The following PDE4DIP variants were observed in gnomAD, a reference collection of about 807,000 sequenced individuals.
PDE4DIP encodes myomegalin.
Under a neutral mutation model 221.4 loss-of-function variants are expected in PDE4DIP, and 59 were observed. The ratio of observed to expected loss-of-function variants is 0.27; its 90% confidence interval spans 0.22 to 0.33. The LOEUF is 0.33. Ranked by LOEUF, PDE4DIP falls within the 10% of genes least tolerant of loss-of-function variation. The probability of loss-of-function intolerance (pLI) is 1.00; values close to 1 mark genes in which losing one functional copy is unlikely to be tolerated. For synonymous variants in PDE4DIP, 404 were observed against 815.9 expected (o/e 0.50, Z 8.60); for missense variants, 1,036 against 2,154.2 (o/e 0.48, Z 10.28).
At chr1:148,824,400 A>G (rs1315689294) in intron 1 of PDE4DIP, among the ~76,000 whole-genome samples, 3 of 148,666 alleles carry the variant, frequency 2.0e-5, no homozygotes, top group Non-Finnish European at 4.5e-5. Flanking sequence ...TGGAAGCCAC[A>G]GTTGTTTTTG....
At chr1:148,902,832 G>A (rs587720685) in intron 1 of PDE4DIP, among the ~76,000 whole-genome samples, 4 of 110,744 alleles carry the variant, frequency 3.6e-5, no homozygotes, top group Non-Finnish European at 5.1e-5. Context: ...TTGGTTCCAC[G>A]TTTTTGCAGT....
rs1230704121 is a variant in PDE4DIP at position 149,010,362 on chromosome 1, G to A, written c.4928-81G>A. 4 of 1,244,170 alleles carry A rather than the reference G, an allele frequency of 3.2e-6. No homozygotes were observed. The African/African-American group carries it at 4.4e-5, about 14-fold the overall frequency. 77.1% of individuals were successfully genotyped at this position (1,244,170 alleles called of 1,614,324 possible). A position where few individuals can be genotyped will look rare whatever the true frequency, so the allele number is the denominator to read the frequency against. ...CCCTGAAAGCAAGACTCTAGCCCTG[G>A]TACCCCTGGGTAAACATAAGGCCAG... On this transcript the variant is annotated intron_variant, in intron 30 of 43. Coordinates refer to ENST00000369354, the Ensembl canonical transcript of PDE4DIP.
chr1:149,003,980 GA>G (rs1385809196), intron 26 of PDE4DIP, among the ~76,000 whole-genome samples: 2 of 150,292 alleles, frequency 1.3e-5, no homozygotes, highest in African/African-American at 4.9e-5. Flanking sequence ...GGCCTACTTA[GA>G]GACCAGATAA....
chr1:148,985,278 A>G (rs1270338100), intron 21 of PDE4DIP: 1 of 152,132 alleles, frequency 6.6e-6, no homozygotes, highest in Non-Finnish European at 1.5e-5. Context: ...GCAATACAGT[A>G]ATAAACAGAA....
chr1:148,926,714 G>T (rs1164990802), intron 1 of PDE4DIP, among the ~76,000 whole-genome samples: 1 of 151,764 alleles, frequency 6.6e-6, no homozygotes, highest in Non-Finnish European at 1.5e-5. Context: ...CCACATAATT[G>T]AATGCATATT....
Position 148,912,097 on chromosome 1 carries a change from CT to C in PDE4DIP, c.142-17089del, listed in dbSNP as rs1180350261. Among the ~76,000 whole-genome samples the C allele has an allele frequency of 1.2e-3, 160 of 139,078 alleles. 3 individuals are homozygous for C. Among genetic ancestry groups the C allele is most frequent in the South Asian group, 8.8e-3 (38 of 4,306 alleles). 91.2% of individuals were successfully genotyped at this position (139,078 alleles called of 152,430 possible). A position where few individuals can be genotyped will look rare whatever the true frequency, so the allele number is the denominator to read the frequency against. Reference sequence around the variant, plus strand: ...AGTTTGTGGACCACACTACCTTTTACTTTTTTTTTTTGAAAGGATGGGATGG... The same window carrying C: ...AGTTTGTGGACCACACTACCTTTTACTTTTTTTTTTGAAAGGATGGGATGG... On this transcript the variant is annotated intron_variant, in intron 1 of 43. Coordinates refer to ENST00000369354, the Ensembl canonical transcript of PDE4DIP.
At chr1:149,000,113 AC>A (rs1169393493) in intron 23 of PDE4DIP, among the ~76,000 whole-genome samples, 1 of 152,120 alleles carries the variant, frequency 6.6e-6, no homozygotes, top group Non-Finnish European at 1.5e-5. Context: ...CCAGAAACAC[AC>A]CAGATAAGCT....
chr1:149,005,052 G>A (rs782572334), exon 27 of PDE4DIP: 5 of 1,610,810 alleles, frequency 3.1e-6, no homozygotes, highest in Non-Finnish European at 3.4e-6. Flanking sequence ...AGAGTTCCGG[G>A]TATATGGAAA....
intron 21 of PDE4DIP, chr1:148,982,113 G>A (rs1336043398): frequency 3.9e-5 from 6 of 152,284 alleles, no homozygotes. Context: ...GTTGACTGTT[G>A]TACACAAGTG....
At chr1:148,938,862 A>C (rs2049891368) in intron 5 of PDE4DIP, among the ~76,000 whole-genome samples, 1 of 149,216 alleles carries the variant, frequency 6.7e-6, no homozygotes, top group African/African-American at 2.5e-5. Context: ...GATCTCGGCT[A>C]ACTGCAACCT....
upstream of PDE4DIP, among the ~76,000 whole-genome samples, chr1:148,885,895 A>AAT (rs1553430252): frequency 3.6e-5 from 4 of 111,752 alleles, no homozygotes; most frequent in South Asian, 6.0e-4. Context: ...ATATGTTATT[A>AAT]ATATATATAC....
exon 21 of PDE4DIP, chr1:148,981,332 T>A: frequency 6.2e-7 from 1 of 1,614,032 alleles, no homozygotes; most frequent in East Asian, 2.2e-5. Context: ...CGCAGTCGGC[T>A]AGAAGAAGTT....
In PDE4DIP at chr1:148,923,618, A is replaced by C. The variant is rs1161454298; in HGVS notation, c.142-5579A>C. ...CCTCTCAAGTAGCTGGGACTACAGG[A>C]GCCCGCCACCGCTCCCGGCTAATTT... On this transcript the variant is annotated intron_variant, in intron 1 of 43. Coordinates refer to ENST00000369354, the Ensembl canonical transcript of PDE4DIP. Among the ~76,000 whole-genome samples the C allele has an allele frequency of 2.3e-3, 329 of 144,396 alleles. 42 individuals are homozygous for C. Among genetic ancestry groups the C allele is most frequent in the African/African-American group, 3.6e-3 (135 of 37,374 alleles). 94.7% of individuals were successfully genotyped at this position (144,396 alleles called of 152,430 possible). A position where few individuals can be genotyped will look rare whatever the true frequency, so the allele number is the denominator to read the frequency against.
At chr1:148,929,154 G>A in intron 1 of PDE4DIP, 43 bp from the exon 5 acceptor site, 1 of 1,602,836 alleles carries the variant, frequency 6.2e-7, no homozygotes, top group Non-Finnish European at 8.5e-7. Context: ...AGGAAAGAGT[G>A]TCTGTGGCAG....
intron 23 of PDE4DIP, among the ~76,000 whole-genome samples, chr1:148,999,743 A>C (rs1172440701): frequency 1.2e-4 from 19 of 152,012 alleles, no homozygotes; most frequent in Non-Finnish European, 2.8e-4. Flanking sequence ...CAATCAAACC[A>C]TCTATAGCTA....
intron 17 of PDE4DIP, 68 bp from the exon 21 acceptor site, chr1:148,977,869 G>T: frequency 6.3e-7 from 1 of 1,589,038 alleles, no homozygotes; most frequent in Non-Finnish European, 8.6e-7. Flanking sequence ...ATAGTAATAG[G>T]ATATGCAAAA....
chr1:149,026,641 A>C (rs375761479), intron 38 of PDE4DIP, 74 bp from the exon 42 acceptor site: 1 of 525,468 alleles, frequency 1.9e-6, no homozygotes, highest in Non-Finnish European at 3.4e-6. Flanking sequence ...CAGTGGGGAC[A>C]GCTAGGTGTG....
chr1:148,937,658 G>T, intron 4 of PDE4DIP, 89 bp from the exon 8 acceptor site: 1 of 678,176 alleles, frequency 1.5e-6, no homozygotes, highest in Non-Finnish European at 2.7e-6. Context: ...TGCTATACTA[G>T]ACCATGCTAT....
chr1:148,960,089 TA>T (rs2056523587), intron 5 of PDE4DIP, among the ~76,000 whole-genome samples: 1 of 152,304 alleles, frequency 6.6e-6, no homozygotes, highest in South Asian at 2.1e-4. Flanking sequence ...CATTATTTCT[TA>T]AGGACAAGGA....
Sources: gnomAD v4.1 joint callset for allele counts (sites outside exome capture counted in the v4.1 genomes callset) on GRCh38, gnomAD v4.1.1 for gene constraint, MANE v1.5 for transcripts, NCBI Gene and HGNC (gene_info 2026-07-23, HGNC 2026-07-21) for gene names.